The following GRIK4 variants were observed in gnomAD, a reference collection of about 807,000 sequenced individuals.
GRIK4 encodes glutamate receptor ionotropic, kainate 4.
A neutral mutation model predicts 104.9 loss-of-function variants in GRIK4; 40 were observed. The ratio of observed to expected loss-of-function variants is 0.38; its 90% CI spans 0.30 to 0.50. The LOEUF (loss-of-function observed/expected upper bound fraction) is 0.50. Among genes scored for constraint, GRIK4 ranks in the 20% least tolerant of loss-of-function variants. The probability of loss-of-function intolerance (pLI) is 0.93; values close to 1 mark genes in which losing one functional copy is unlikely to be tolerated. For missense variants in GRIK4, 1,047 were observed against 1,308.1 expected, an observed-to-expected ratio of 0.80 and a Z score of 3.08; for synonymous variants, 485 against 524.9, an observed-to-expected ratio of 0.92 and a Z score of 1.04.
At chr11:120,575,577 GGT>G (rs1221452359) in intron 1 of GRIK4, among the ~76,000 whole-genome samples, 1 of 152,028 alleles carries the variant, frequency 6.6e-6, no homozygotes, top group Non-Finnish European at 1.5e-5. Context: ...GTGGGTTTGG[GGT>G]GTGTGCGTGG....
chr11:120,595,003 G>A (rs1035536459), intron 1 of GRIK4, among the ~76,000 whole-genome samples: 4 of 152,198 alleles, frequency 2.6e-5, no homozygotes, highest in African/African-American at 9.6e-5. Flanking sequence ...GAAGGAGCAG[G>A]CCTCTAAAGC....
intron 11 of GRIK4, among the ~76,000 whole-genome samples, chr11:120,896,201 A>G (rs1005471232): frequency 9.9e-5 from 15 of 152,234 alleles, no homozygotes; most frequent in African/African-American, 3.6e-4. Context: ...GGAGTCAGAC[A>G]GGATGACCAG....
intron 11 of GRIK4, among the ~76,000 whole-genome samples, chr11:120,880,679 T>A (rs748618351): frequency 2.0e-5 from 3 of 152,232 alleles, no homozygotes; most frequent in Non-Finnish European, 2.9e-5. Context: ...TCCTTGAGCA[T>A]GTCCTGGGCT....
chr11:120,783,639 C>T (rs1034176850), intron 3 of GRIK4, among the ~76,000 whole-genome samples: 1 of 152,162 alleles, frequency 6.6e-6, no homozygotes, highest in Admixed American at 6.5e-5. Context: ...CATATGGCAT[C>T]GGAATAGGAC....
At chr11:120,550,805 G>A (rs1948132213) in intron 1 of GRIK4, among the ~76,000 whole-genome samples, 1 of 151,740 alleles carries the variant, frequency 6.6e-6, no homozygotes, top group Non-Finnish European at 1.5e-5. Context: ...TGGGGTGGTT[G>A]GAGAGTGAGT....
intron 10 of GRIK4, 57 bp from the exon 11 acceptor site, chr11:120,875,082 G>A: frequency 9.2e-7 from 1 of 1,085,456 alleles, no homozygotes; most frequent in Non-Finnish European, 1.4e-6. Context: ...AATCTTGCTT[G>A]GGGGCAAGTG....
At chr11:120,725,518 G>A (rs2135382852) in intron 3 of GRIK4, among the ~76,000 whole-genome samples, 1 of 152,280 alleles carries the variant, frequency 6.6e-6, no homozygotes, top group East Asian at 1.9e-4. Context: ...TATACAGCAG[G>A]GAAGAAATGT....
Position 120,952,961 on chromosome 11 carries a change from C to T in GRIK4, c.1697C>T (p.Ala566Val), listed in dbSNP as rs752405214. 5 of 1,597,756 alleles carry T rather than the reference C, an allele frequency of 3.1e-6. No homozygotes were observed. Among genetic ancestry groups the T allele is most frequent in the Non-Finnish European group, 4.3e-6 (5 of 1,165,378 alleles). Residue 566 changes from alanine to valine, a missense_variant, in exon 15 of 21, where the codon GCT becomes GTT. By Grantham distance (64) the Ala-to-Val change is moderately conservative (BLOSUM62 0). Coordinates refer to ENST00000527524, the MANE Select transcript of GRIK4 (RefSeq NM_014619.5). This position sits in a 1 kb window ranked among gnomAD's most constrained non-coding sequence, Gnocchi z 5.2. ...LAVSCVLFLV[A>V]RLTPYEWYSP... is the part of the protein sequence containing the mutation. ...GTCAGCTGTGTCCTCTTCCTGGTGG[C>T]TCGGTACTCTCCTCTTCCCTTCCCT...
intron 3 of GRIK4, among the ~76,000 whole-genome samples, chr11:120,769,270 C>T (rs1951895391): frequency 6.6e-6 from 1 of 151,656 alleles, no homozygotes; most frequent in African/African-American, 2.4e-5. Context: ...TGGTAGGTTA[C>T]ATTTTTCTAG....
chr11:120,718,644 G>A lies in GRIK4; in HGVS notation c.82+58244G>A, dbSNP rs117208105. On this transcript the variant is annotated intron_variant, in intron 3 of 20. Transcript: ENST00000527524. ...AACATGTATTGAGCATTGTCTGTAC[G>A]CTGAAGCTGAGCAAGGCACTTTCAT... Among the ~76,000 whole-genome samples, 4 of 152,188 alleles carry A rather than the reference G, an allele frequency of 2.6e-5. No homozygotes were observed. The East Asian group carries it at 5.8e-4, about 22-fold the overall frequency.
chr11:120,725,140 A>C (rs183396976), intron 3 of GRIK4, among the ~76,000 whole-genome samples: 4 of 152,360 alleles, frequency 2.6e-5, no homozygotes, highest in Admixed American at 2.6e-4. Context: ...AAGGGGCCTT[A>C]CAAAATATCT....
intron 1 of GRIK4, among the ~76,000 whole-genome samples, chr11:120,596,458 T>C (rs1285536092): frequency 6.6e-6 from 1 of 152,154 alleles, no homozygotes. Context: ...AGGGAGCGCT[T>C]CAGAGAGAGA....
At chr11:120,941,699 G>A (rs1409642363) in intron 14 of GRIK4, among the ~76,000 whole-genome samples, 1 of 152,210 alleles carries the variant, frequency 6.6e-6, no homozygotes. Context: ...GAATTCGAAG[G>A]CAGAGATTGG....
At chr11:120,595,546 T>C (rs1180640060) in intron 1 of GRIK4, among the ~76,000 whole-genome samples, 1 of 152,268 alleles carries the variant, frequency 6.6e-6, no homozygotes, top group African/African-American at 2.4e-5. Context: ...GGTGCTCATC[T>C]TCCTGACCTT....
intron 1 of GRIK4, among the ~76,000 whole-genome samples, chr11:120,608,595 G>A (rs1948991782): frequency 6.6e-6 from 1 of 152,228 alleles, no homozygotes; most frequent in African/African-American, 2.4e-5. Context: ...GGAGGAAGCA[G>A]TGACCCCCCT....
intron 3 of GRIK4, among the ~76,000 whole-genome samples, chr11:120,798,657 T>C (rs985992848): frequency 5.3e-5 from 8 of 152,210 alleles, no homozygotes; most frequent in African/African-American, 1.9e-4. Context: ...TTTTTTTGTA[T>C]TTTTAGTAGA....
chr11:120,940,451 C>A lies in GRIK4; in HGVS notation c.1581C>A (p.Arg527=). 6.4e-7 allele frequency: 1 copy of A among 1,574,640 alleles called. No individual in the cohort carries two copies. Among genetic ancestry groups the A allele is most frequent in the Non-Finnish European group, 8.7e-7 (1 of 1,144,418 alleles). The change falls in exon 14 of 21, where the codon CGC becomes CGA. Residue 527 remains arginine (R), a synonymous_variant. Transcript: ENST00000527524. This position sits in a 1 kb window ranked among gnomAD's most constrained non-coding sequence, Gnocchi z 4.3. ...FMTLGISILY[R]VHMGRKPGYF... Reference sequence around the variant, plus strand: ...CTCTGGGAATTAGCATTCTTTACCGCGTTCATATGGTAAGAGACTTATTTT... The same window carrying A: ...CTCTGGGAATTAGCATTCTTTACCGAGTTCATATGGTAAGAGACTTATTTT...
intron 8 of GRIK4, among the ~76,000 whole-genome samples, chr11:120,845,341 A>G (rs1218596295): frequency 6.6e-6 from 1 of 152,224 alleles, no homozygotes; most frequent in Non-Finnish European, 1.5e-5. Flanking sequence ...GGAGATAATC[A>G]TGCTTATCTC....
intron 13 of GRIK4, among the ~76,000 whole-genome samples, chr11:120,907,937 A>T (rs1592067178): frequency 6.6e-6 from 1 of 152,072 alleles, no homozygotes; most frequent in East Asian, 1.9e-4. Flanking sequence ...CCCAGGTTTG[A>T]AGGATTGGGA....
Sources: allele counts gnomAD v4.1 joint callset (sites outside exome capture counted in the v4.1 genomes callset), GRCh38; gene constraint gnomAD v4.1.1; non-coding constraint Gnocchi (gnomAD v3.1); transcripts MANE v1.5; gene names NCBI Gene and HGNC (gene_info 2026-07-23, HGNC 2026-07-21).